Variants in MCU observed in about 807,000 individuals in gnomAD.
MCU encodes the protein mitochondrial calcium uniporter, also known as calcium uniporter protein, mitochondrial.
A neutral mutation model predicts 45.2 loss-of-function variants in MCU; 12 were observed. That is an observed-to-expected ratio of 0.27 (90% CI 0.17 to 0.43). MCU has a LOEUF of 0.43. MCU is among the 20% of genes least tolerant of loss of function. The pLI is 1.00. For missense variants in MCU, 324 were observed against 436.7 expected, an observed-to-expected ratio of 0.74 and a Z score of 2.30; for synonymous variants, 160 against 165.1, an observed-to-expected ratio of 0.97 and a Z score of 0.24.
intron 1 of MCU, among the ~76,000 whole-genome samples, chr10:72,713,341 G>A (rs1449815560): frequency 1.3e-5 from 2 of 152,132 alleles, no homozygotes; most frequent in African/African-American, 2.4e-5. Context: ...ATGCAGTGGC[G>A]CAATCTCGGC....
chr10:72,775,106 G>A (rs1454594995), intron 1 of MCU, among the ~76,000 whole-genome samples: 3 of 151,706 alleles, frequency 2.0e-5, no homozygotes, highest in African/African-American at 4.8e-5. Flanking sequence ...CTTTTCATTA[G>A]CACATCAAAC....
chr10:72,728,843 A>G (rs1006666531), intron 1 of MCU, among the ~76,000 whole-genome samples: 13 of 152,246 alleles, frequency 8.5e-5, no homozygotes, highest in Admixed American at 7.2e-4. Context: ...CCCATGAACT[A>G]TTGGATACCA....
chr10:72,717,917 T>C (rs1055631184), intron 1 of MCU, among the ~76,000 whole-genome samples: 1 of 152,176 alleles, frequency 6.6e-6, no homozygotes, highest in South Asian at 2.1e-4. Context: ...TACAAAAAAA[T>C]GGCAAAGATC....
In MCU at chr10:72,714,793, C is replaced by G. The variant is rs183840606; in HGVS notation, c.150+22492C>G. Reference sequence around the variant, plus strand: ...TCCCAACTTCAGGTGATCTGCCCCCCCCTTGGCCTCCCAAAGTGCTGGGAT... The same window carrying G: ...TCCCAACTTCAGGTGATCTGCCCCCGCCTTGGCCTCCCAAAGTGCTGGGAT... On this transcript the variant is annotated intron_variant, in intron 1 of 7. Coordinates refer to ENST00000373053, the MANE Select transcript of MCU (RefSeq NM_138357.3). Among the ~76,000 whole-genome samples the G allele has an allele frequency of 2.2e-3, 336 of 151,970 alleles. 6 individuals carry two copies. The highest frequency in any genetic ancestry group is 0.02 in the Admixed American group (308 of 15,276).
chr10:72,870,219 C>T (rs1589506143), intron 5 of MCU, among the ~76,000 whole-genome samples: 1 of 152,118 alleles, frequency 6.6e-6, no homozygotes, highest in Non-Finnish European at 1.5e-5. Context: ...AAATAATTTT[C>T]ATCATTTATA....
intron 1 of MCU, among the ~76,000 whole-genome samples, chr10:72,800,332 A>G (rs1317546598): frequency 1.3e-5 from 2 of 152,188 alleles, no homozygotes; most frequent in Non-Finnish European, 2.9e-5. Context: ...TCTTTAGCCT[A>G]TGTGTATAAG....
chr10:72,706,507 CTA>C (rs1842821609), intron 1 of MCU, among the ~76,000 whole-genome samples: 1 of 149,056 alleles, frequency 6.7e-6, no homozygotes, highest in African/African-American at 2.6e-5. Flanking sequence ...TCTTTGGTAA[CTA>C]TGAAATTTTT....
chr10:72,775,126 A>C (rs1313394599), intron 1 of MCU, among the ~76,000 whole-genome samples: 3 of 152,174 alleles, frequency 2.0e-5, no homozygotes, highest in African/African-American at 7.2e-5. Context: ...CGTTTTCTAG[A>C]ATAGAGTCTC....
chr10:72,763,394 G>A (rs1043332855), intron 1 of MCU, among the ~76,000 whole-genome samples: 6 of 152,234 alleles, frequency 3.9e-5, no homozygotes, highest in Non-Finnish European at 1.5e-5. Flanking sequence ...TGGGTGAAGC[G>A]GGAGTATGAG....
intron 1 of MCU, among the ~76,000 whole-genome samples, chr10:72,810,326 G>T (rs971344886): frequency 6.6e-6 from 1 of 152,032 alleles, no homozygotes; most frequent in Non-Finnish European, 1.5e-5. Context: ...AAGAGGTGAC[G>T]TCTTTGACTG....
At position 72,871,383 on chromosome 10, in the gene MCU, A is replaced by G; in HGVS notation, c.664A>G (p.Ile222Val). Residue 222 changes from isoleucine to valine, a missense_variant, in exon 6 of 8, where the codon ATT (isoleucine) becomes GTT (valine). Transcript: ENST00000373053. ...GATTATGTGTGCCCAATAGGTACGA[A>G]TTGAGATTAGCAGAAAAGCTGAGAA... is the stretch of plus-strand genomic sequence containing the variant. Reference protein sequence around the residue: ...EQLAPLEKVRIEISRKAEKRT... With the variant: ...EQLAPLEKVRVEISRKAEKRT... 3.7e-6 allele frequency: 6 copies of G among 1,614,026 alleles called. No homozygotes were observed. The highest frequency in any genetic ancestry group is 5.1e-6 in the Non-Finnish European group (6 of 1,179,904).
intron 1 of MCU, among the ~76,000 whole-genome samples, chr10:72,762,676 G>C (rs1474465163): frequency 6.6e-6 from 1 of 152,080 alleles, no homozygotes; most frequent in Non-Finnish European, 1.5e-5. Flanking sequence ...GCACCTCTAC[G>C]TACAGGAACT....
intron 1 of MCU, among the ~76,000 whole-genome samples, chr10:72,705,208 G>A (rs1251951816): frequency 2.0e-5 from 3 of 152,032 alleles, no homozygotes. Context: ...TCTGGGATAT[G>A]TGTGCAGCAT....
chr10:72,872,054 G>C (rs1845549979), intron 6 of MCU, among the ~76,000 whole-genome samples: 1 of 152,048 alleles, frequency 6.6e-6, no homozygotes, highest in African/African-American at 2.4e-5. Flanking sequence ...GAAAGGAAAG[G>C]TGTTGTTGTT....
chr10:72,711,856 C>T (rs1490048313), intron 1 of MCU, among the ~76,000 whole-genome samples: 3 of 151,310 alleles, frequency 2.0e-5, no homozygotes, highest in Non-Finnish European at 2.9e-5. Flanking sequence ...GGACTACAGG[C>T]GCCCACCACC....
At chr10:72,877,729 T>A (rs1845638084) in intron 6 of MCU, among the ~76,000 whole-genome samples, 1 of 152,206 alleles carries the variant, frequency 6.6e-6, no homozygotes, top group Non-Finnish European at 1.5e-5. Flanking sequence ...TGCTTTTTCC[T>A]CTGGGGATTT....
chr10:72,874,406 A>G (rs553755886), intron 6 of MCU, among the ~76,000 whole-genome samples: 44 of 152,308 alleles, frequency 2.9e-4, no homozygotes, highest in Non-Finnish European at 6.0e-4. Flanking sequence ...TACCTGAGAC[A>G]TCGGAAAAGC....
intron 2 of MCU, among the ~76,000 whole-genome samples, chr10:72,840,278 ATAAT>A (rs1238353624): frequency 5.9e-5 from 9 of 152,212 alleles, no homozygotes; most frequent in Non-Finnish European, 1.3e-4. Context: ...GATTTCACTG[ATAAT>A]TAATGATATT....
chr10:72,792,425 A>C (rs1326824960), intron 1 of MCU, among the ~76,000 whole-genome samples: 2 of 152,176 alleles, frequency 1.3e-5, no homozygotes, highest in Non-Finnish European at 2.9e-5. Flanking sequence ...AAAGAATGTT[A>C]AACTGCTTCC....
Sources: allele counts gnomAD v4.1 joint callset (sites outside exome capture counted in the v4.1 genomes callset), GRCh38; gene constraint gnomAD v4.1.1; transcripts MANE v1.5; gene names NCBI Gene and HGNC (gene_info 2026-07-23, HGNC 2026-07-21).